The following HTR2C variants were observed in gnomAD, a reference collection of about 807,000 sequenced individuals.
HTR2C encodes 5-hydroxytryptamine receptor 2C, also known as 5-hydroxytryptamine (serotonin) receptor 2C, G protein-coupled.
Under a neutral mutation model 21.0 loss-of-function variants are expected in HTR2C, and 5 were observed. The ratio of observed to expected loss-of-function variants is 0.24; its 90% confidence interval spans 0.12 to 0.50. The LOEUF (loss-of-function observed/expected upper bound fraction) is 0.50. Among genes scored for constraint, HTR2C ranks in the 20% least tolerant of loss-of-function variants. HTR2C has a pLI of 0.98. For missense variants in HTR2C, 271 were observed against 371.2 expected (o/e 0.73, Z 2.22); for synonymous variants, 150 against 145.3 (o/e 1.03, Z -0.23).
intron 4 of HTR2C, among the ~76,000 whole-genome samples, chrX:114,772,439 T>A (rs2147391210): frequency 9.3e-6 from 1 of 107,566 alleles, no homozygotes; most frequent in African/African-American, 3.4e-5. Context: ...CATTTGTTTT[T>A]TATGAAACTA....
In HTR2C at chrX:114,584,275, G is replaced by C. The variant is rs782642545; in HGVS notation, c.-531G>C. The C allele has an allele frequency of 8.8e-6, 1 of 113,074 alleles. No individual in the cohort carries two copies. The highest frequency in any genetic ancestry group is 9.3e-5 in the Admixed American group (1 of 10,759). The allele number at this position is 113,074 out of a possible 1,213,427, so 9.3% of individuals were successfully genotyped here. On this transcript the variant is annotated 5_prime_UTR_variant, in exon 1 of 6. Coordinates refer to ENST00000276198, the MANE Select transcript of HTR2C (RefSeq NM_000868.4). ...CGTTGTCGTCGGAGTCGTCGCGATC[G>C]TCGTGGCGCTCGTGTGATGGCCTTC... is the stretch of plus-strand genomic sequence containing the variant.
At chrX:114,875,512 T>G (rs782348192) in intron 5 of HTR2C, among the ~76,000 whole-genome samples, 1 of 111,611 alleles carries the variant, frequency 9.0e-6, no homozygotes, top group Non-Finnish European at 1.9e-5. Flanking sequence ...GTTTTCCCTA[T>G]GTTTTTTTCA....
rs782264652 is a variant in HTR2C, at chrX:114,805,914, C to CAT, written c.350-42079_350-42078dup. 2.8e-3 allele frequency among the ~76,000 whole-genome samples: 206 copies of CAT among 74,683 alleles called. 3 individuals carry two copies. The highest frequency in any genetic ancestry group is 9.2e-3 in the African/African-American group (187 of 20,244). The allele number at this position is 74,683 out of a possible 115,157, so 64.9% of individuals were successfully genotyped here. On this transcript the variant is annotated intron_variant, in intron 4 of 5. Coordinates refer to ENST00000276198, the MANE Select transcript of HTR2C (RefSeq NM_000868.4). ...CCATATATATACATCATATATATAC[C>CAT]ATATATATATACACCATATATATAC...
chrX:114,858,136 G>C (rs1192436637), intron 5 of HTR2C, among the ~76,000 whole-genome samples: 6 of 111,017 alleles, frequency 5.4e-5, no homozygotes, highest in African/African-American at 1.6e-4. Context: ...ATCTAGTTGA[G>C]TAAGTCTGTC....
chrX:114,839,687 A>AAAAACAAAACAAAAC (rs368109180), intron 4 of HTR2C, among the ~76,000 whole-genome samples: 18 of 108,781 alleles, frequency 1.7e-4, no homozygotes, highest in African/African-American at 5.9e-4. Context: ...ATCCTGTCTC[A>AAAAACAAAACAAAAC]AAAACAAAAC....
intron 2 of HTR2C, among the ~76,000 whole-genome samples, chrX:114,654,104 T>C (rs1449838483): frequency 9.1e-6 from 1 of 110,029 alleles, no homozygotes; most frequent in Non-Finnish European, 1.9e-5. Context: ...AGTCTATTGA[T>C]CCAACTTATG....
chrX:114,730,449 C>T (rs2069524678), intron 3 of HTR2C, among the ~76,000 whole-genome samples: 1 of 111,748 alleles, frequency 8.9e-6, no homozygotes, highest in Non-Finnish European at 1.9e-5. Flanking sequence ...TAGAACAAGG[C>T]CCACAAAATA....
At chrX:114,671,620 A>G (rs1352958045) in intron 2 of HTR2C, among the ~76,000 whole-genome samples, 1 of 112,176 alleles carries the variant, frequency 8.9e-6, no homozygotes, top group Non-Finnish European at 1.9e-5. Flanking sequence ...TGTTAAGTTG[A>G]TCTGTGATGG....
chrX:114,728,884 T>G, intron 3 of HTR2C, among the ~76,000 whole-genome samples: 1 of 112,320 alleles, frequency 8.9e-6, no homozygotes, highest in Admixed American at 9.5e-5. Context: ...CACAATTTAC[T>G]TAGAACATTT....
intron 4 of HTR2C, among the ~76,000 whole-genome samples, chrX:114,774,482 C>T (rs1291795933): frequency 8.9e-6 from 1 of 111,797 alleles, no homozygotes; most frequent in East Asian, 2.8e-4. Flanking sequence ...TGTAGTTACA[C>T]CTTCAGGATT....
chrX:114,686,599 C>T (rs1363534686), intron 2 of HTR2C, among the ~76,000 whole-genome samples: 2 of 110,535 alleles, frequency 1.8e-5, no homozygotes, highest in Non-Finnish European at 3.8e-5. Flanking sequence ...AATTTTAAAT[C>T]TTTTGTTTAA....
intron 4 of HTR2C, among the ~76,000 whole-genome samples, chrX:114,761,981 GTATATATACTA>G (rs2069880264): frequency 6.6e-4 from 6 of 9,152 alleles, no homozygotes; most frequent in African/African-American, 1.3e-3. Context: ...ATATATACGT[GTATATATACTA>G]TATATACACA....
chrX:114,773,772 A>G (rs1052834442), intron 4 of HTR2C, among the ~76,000 whole-genome samples: 2 of 112,339 alleles, frequency 1.8e-5, no homozygotes, highest in African/African-American at 6.5e-5. Context: ...TAAACCACAT[A>G]ATTTCCAAAA....
chrX:114,638,531 T>TTATTTATTTA (rs1198862675), intron 2 of HTR2C, among the ~76,000 whole-genome samples: 1 of 44,281 alleles, frequency 2.3e-5, no homozygotes, highest in Non-Finnish European at 6.0e-5. Context: ...TATTTTTTTC[T>TTATTTATTTA]TTTATTATTA....
intron 4 of HTR2C, among the ~76,000 whole-genome samples, chrX:114,813,647 C>T (rs1471996031): frequency 9.9e-5 from 11 of 111,000 alleles, no homozygotes; most frequent in African/African-American, 2.9e-4. Flanking sequence ...GCTTTAGGAA[C>T]CTAAGCAGTG....
At chrX:114,848,694 T>A (rs2070892182) in intron 5 of HTR2C, among the ~76,000 whole-genome samples, 1 of 111,359 alleles carries the variant, frequency 9.0e-6, no homozygotes, top group Non-Finnish European at 1.9e-5. Flanking sequence ...GTCTAAATTT[T>A]TGTTGCTATG....
intron 5 of HTR2C, among the ~76,000 whole-genome samples, chrX:114,849,599 C>T (rs1272940489): frequency 8.9e-6 from 1 of 111,781 alleles, no homozygotes; most frequent in Non-Finnish European, 1.9e-5. Context: ...TGGCAAGGGC[C>T]AACCAACCTG....
At chrX:114,770,236 G>A (rs2069986650) in intron 4 of HTR2C, among the ~76,000 whole-genome samples, 1 of 111,736 alleles carries the variant, frequency 8.9e-6, no homozygotes, top group Non-Finnish European at 1.9e-5. Flanking sequence ...GCTTTTTGAT[G>A]TGTAAATTAG....
intron 5 of HTR2C, among the ~76,000 whole-genome samples, chrX:114,888,206 T>C (rs782487024): frequency 9.0e-6 from 1 of 111,465 alleles, no homozygotes; most frequent in Non-Finnish European, 1.9e-5. Flanking sequence ...TATGTAGATG[T>C]GTAATGGTGT....
Sources: allele counts gnomAD v4.1 joint callset (sites outside exome capture counted in the v4.1 genomes callset), GRCh38; gene constraint gnomAD v4.1.1; transcripts MANE v1.5; gene names NCBI Gene and HGNC (gene_info 2026-07-23, HGNC 2026-07-21).